Variants in MIR2052HG observed in about 807,000 individuals in gnomAD.
MIR2052HG encodes the protein MIR2052 host gene.
chr8:74,748,910 G>C (rs1809914743), intron 4 of MIR2052HG, among the ~76,000 whole-genome samples: 3 of 152,178 alleles, frequency 2.0e-5, no homozygotes, highest in Admixed American at 2.0e-4. Flanking sequence ...TATTGACATG[G>C]AGAGAGAGAA....
chr8:74,603,299 C>A, intron 1 of MIR2052HG: 1 of 1,585,834 alleles, frequency 6.3e-7, no homozygotes, highest in East Asian at 2.2e-5. Context: ...TAGCTGCTCC[C>A]CATGCCACCC....
rs953206858 is a variant in MIR2052HG, at chr8:74,641,882, T to C, written n.216+28942T>C. Among the ~76,000 whole-genome samples, 41 of 152,078 alleles carry C rather than the reference T, an allele frequency of 2.7e-4. 1 individual carries two copies. The highest frequency in any genetic ancestry group is 8.8e-5 in the Non-Finnish European group (6 of 68,008). On this transcript the variant is annotated intron_variant and non_coding_transcript_variant, in intron 2 of 6. Coordinates refer to ENST00000523442, the Ensembl canonical transcript of MIR2052HG. ...ACAGGCATGTTTTGGGTATGCTCAA[T>C]GGTGGGATATATTGTCTCAGCCCAG...
chr8:74,720,826 G>A (rs1809570143), intron 4 of MIR2052HG, among the ~76,000 whole-genome samples: 2 of 152,052 alleles, frequency 1.3e-5, no homozygotes, highest in African/African-American at 2.4e-5. Context: ...GGAAAGCAAG[G>A]CACATCTTAC....
rs566755185 is a variant in MIR2052HG at position 74,606,506 on chromosome 8, A to G, written n.129-6347A>G. The stretch of plus-strand genomic sequence containing the variant: ...CAATCACAGAGGCCAGCAGGGAAGA[A>G]GTAAAAGAATACTATTTTAAAGTTC... On this transcript the variant is annotated intron_variant and non_coding_transcript_variant, in intron 1 of 6. Coordinates refer to ENST00000523442, the Ensembl canonical transcript of MIR2052HG. Among the ~76,000 whole-genome samples, 9 of 152,376 alleles carry G rather than the reference A, an allele frequency of 5.9e-5. 1 individual carries two copies. Among genetic ancestry groups the G allele is most frequent in the African/African-American group, 1.9e-4 (8 of 41,598 alleles).
chr8:74,716,389 G>A (rs983072371), intron 4 of MIR2052HG, among the ~76,000 whole-genome samples: 8 of 152,132 alleles, frequency 5.3e-5, no homozygotes, highest in African/African-American at 1.7e-4. Flanking sequence ...CTACAGCTGG[G>A]CCTTTTATAG....
intron 2 of MIR2052HG, among the ~76,000 whole-genome samples, chr8:74,619,356 A>T (rs1399221211): frequency 6.6e-6 from 1 of 152,212 alleles, no homozygotes. Context: ...TCACACTGTC[A>T]GATTTTAAAA....
At chr8:74,690,824 G>A (rs1586914906) in intron 2 of MIR2052HG, among the ~76,000 whole-genome samples, 1 of 151,960 alleles carries the variant, frequency 6.6e-6, no homozygotes, top group Non-Finnish European at 1.5e-5. Context: ...GAACCAGGAA[G>A]ACATCCGGTA....
chr8:74,663,930 AC>A (rs1326851692), intron 2 of MIR2052HG, among the ~76,000 whole-genome samples: 1 of 152,124 alleles, frequency 6.6e-6, no homozygotes, highest in Non-Finnish European at 1.5e-5. Flanking sequence ...TCCATATTCC[AC>A]CGTGAAAATT....
chr8:74,631,860 A>G (rs1808515695), intron 2 of MIR2052HG, among the ~76,000 whole-genome samples: 1 of 152,194 alleles, frequency 6.6e-6, no homozygotes, highest in Non-Finnish European at 1.5e-5. Flanking sequence ...GTGTCTTCAC[A>G]TGGTGAAAAG....
chr8:74,623,745 C>T (rs1808398866), intron 2 of MIR2052HG, among the ~76,000 whole-genome samples: 1 of 152,114 alleles, frequency 6.6e-6, no homozygotes, highest in African/African-American at 2.4e-5. Context: ...AAGAAACAAA[C>T]TGGGTCTGTG....
In MIR2052HG at chr8:74,611,812, T is replaced by C. The variant is rs567759253; in HGVS notation, n.129-1041T>C. Reference sequence around the variant, plus strand: ...TCCATCCATACACCACCTATCATGATTGATAGGATGTTCAACTATTTGGAA... The same window carrying C: ...TCCATCCATACACCACCTATCATGACTGATAGGATGTTCAACTATTTGGAA... On this transcript the variant is annotated intron_variant and non_coding_transcript_variant, in intron 1 of 6. Transcript: ENST00000523442. 1.4e-4 allele frequency among the ~76,000 whole-genome samples: 22 copies of C among 152,268 alleles called. No individual in the cohort carries two copies. The South Asian group carries it at 3.3e-3, about 23-fold the overall frequency.
chr8:74,683,641 G>A (rs554988548), intron 2 of MIR2052HG, among the ~76,000 whole-genome samples: 9 of 152,116 alleles, frequency 5.9e-5, no homozygotes, highest in Non-Finnish European at 1.0e-4. Context: ...TAATACTGGT[G>A]CCATTCTTTG....
intron 2 of MIR2052HG, among the ~76,000 whole-genome samples, chr8:74,671,614 G>T (rs538419347): frequency 6.6e-6 from 1 of 152,194 alleles, no homozygotes; most frequent in East Asian, 1.9e-4. Flanking sequence ...CCCAAAGTTG[G>T]AACCCGGGGT....
intron 2 of MIR2052HG, among the ~76,000 whole-genome samples, chr8:74,644,893 A>T (rs1808675489): frequency 6.6e-6 from 1 of 152,014 alleles, no homozygotes; most frequent in South Asian, 2.1e-4. Flanking sequence ...CCTGGCTCAA[A>T]AATAAAATAA....
At chr8:74,675,764 A>G (rs1809044707) in intron 2 of MIR2052HG, among the ~76,000 whole-genome samples, 1 of 152,002 alleles carries the variant, frequency 6.6e-6, no homozygotes, top group East Asian at 1.9e-4. Flanking sequence ...TAGGCACAGT[A>G]AAATAGATAG....
chr8:74,604,114 C>T, intron 1 of MIR2052HG: 4 of 912,212 alleles, frequency 4.4e-6, no homozygotes, highest in Non-Finnish European at 7.4e-6. Context: ...GATAGGTGCA[C>T]CACTCTCCTC....
At chr8:74,614,035 A>G (rs1808240842) in intron 2 of MIR2052HG, among the ~76,000 whole-genome samples, 1 of 152,246 alleles carries the variant, frequency 6.6e-6, no homozygotes, top group South Asian at 2.1e-4. Flanking sequence ...ACGATTTCAC[A>G]TCTTCCTCAA....
chr8:74,616,234 G>A (rs1416736180), intron 2 of MIR2052HG, among the ~76,000 whole-genome samples: 1 of 151,764 alleles, frequency 6.6e-6, no homozygotes, highest in African/African-American at 2.4e-5. Context: ...CACTAACAGT[G>A]TAAAAGTGTT....
intron 4 of MIR2052HG, among the ~76,000 whole-genome samples, chr8:74,737,504 C>A (rs778616130): frequency 6.6e-6 from 1 of 152,140 alleles, no homozygotes; most frequent in Non-Finnish European, 1.5e-5. Flanking sequence ...ACGCCAAGAA[C>A]CTGGACAGCT....
Sources: allele counts gnomAD v4.1 joint callset (sites outside exome capture counted in the v4.1 genomes callset), GRCh38; gene constraint gnomAD v4.1.1; transcripts MANE v1.5; gene names NCBI Gene and HGNC (gene_info 2026-07-23, HGNC 2026-07-21).